The following POMT1 variants were observed in gnomAD, a reference collection of about 807,000 sequenced individuals.
POMT1 encodes protein O-mannosyltransferase 1, also known as protein O-mannosyl-transferase 1.
POMT1 carries 85 observed loss-of-function variants against 101.6 expected under a neutral mutation model. The ratio of observed to expected loss-of-function variants is 0.84; its 90% CI spans 0.70 to 1.00. The LOEUF (loss-of-function observed/expected upper bound fraction) is 1.00. POMT1 is among the 50% of genes least tolerant of loss of function. The pLI is 0.00. For synonymous variants in POMT1, 371 were observed against 383.0 expected, an observed-to-expected ratio of 0.97 and a Z score of 0.37; for missense variants, 857 against 930.4, an observed-to-expected ratio of 0.92 and a Z score of 1.03.
At chr9:131,505,401 T>C (rs1374758948) in intron 2 of POMT1, among the ~76,000 whole-genome samples, 1 of 151,174 alleles carries the variant, frequency 6.6e-6, no homozygotes, top group Non-Finnish European at 1.5e-5. Flanking sequence ...TACCTGGGAT[T>C]ACAGGCACCT....
intron 16 of POMT1, 40 bp from the exon 17 acceptor site, chr9:131,520,040 T>TC: frequency 6.5e-7 from 1 of 1,528,766 alleles, no homozygotes; most frequent in Non-Finnish European, 9.1e-7. Context: ...GCGGGAGGCA[T>TC]CCCCCATCCT....
chr9:131,519,987 T>C lies in POMT1; in HGVS notation c.1585-93T>C, dbSNP rs1476033831. 14 of 940,254 alleles carry C rather than the reference T, an allele frequency of 1.5e-5. No individual in the cohort carries two copies. The highest frequency in any genetic ancestry group is 2.4e-4 in the Middle Eastern group (1 of 4,252). 58.2% of individuals were successfully genotyped at this position (940,254 alleles called of 1,614,324 possible). On this transcript the variant is annotated intron_variant, in intron 16 of 19. Transcript: ENST00000402686. This position sits in a 1 kb window ranked among gnomAD's most constrained non-coding sequence, Gnocchi z 4.3. ...TGAACTTGAGCTGGGCCAGTCCACG[T>C]GCAAGGGGCAGCAGTGTACTCCTTT...
At position 131,519,491 on chromosome 9, in the gene POMT1, G is replaced by A; in HGVS notation, c.1584+5G>A. The A allele has an allele frequency of 1.3e-6, 2 of 1,549,410 alleles. No individual in the cohort carries two copies. Among genetic ancestry groups the A allele is most frequent in the Non-Finnish European group, 1.7e-6 (2 of 1,146,960 alleles). ...GCGAGATTCTCGGAGCTGCAGGTGA[G>A]GAGCGGCCAGGGGAAGCTGGCCTAG... On this transcript the variant is annotated splice_donor_5th_base_variant and intron_variant, in intron 16 of 19. Transcript: ENST00000402686. The surrounding 1 kb of genome is among the most constrained non-coding windows in gnomAD (Gnocchi z 4.3).
rs1950368982 is a variant in POMT1 at position 131,523,536 on chromosome 9, C to T, written c.*430C>T. 1 of 278,788 alleles carries T rather than the reference C, an allele frequency of 3.6e-6. No individual in the cohort carries two copies. The highest frequency in any genetic ancestry group is 7.0e-6 in the Non-Finnish European group (1 of 142,168). The allele number at this position is 278,788 out of a possible 1,614,324, so 17.3% of individuals were successfully genotyped here. On this transcript the variant is annotated 3_prime_UTR_variant, in exon 20 of 20. Transcript: ENST00000402686. The stretch of plus-strand genomic sequence containing the variant: ...AACCTGAGCAAGTCCCGGCCCTGCC[C>T]TCAGCGAGCCCGGCAGGCGTCCTGG...
In POMT1 at chr9:131,503,621, G is replaced by A. The variant is rs1366020469; in HGVS notation, c.-31+548G>A. ...AGAGAAGCGGAGCTCAAGGGAAGAT[G>A]AAGCCTGGAGGAGAACGTGGGGGCG... On this transcript the variant is annotated intron_variant, in intron 1 of 19. Coordinates refer to ENST00000402686, the MANE Select transcript of POMT1 (RefSeq NM_001077365.2). This position sits in a 1 kb window ranked among gnomAD's most constrained non-coding sequence, Gnocchi z 4.4. 6.6e-6 allele frequency among the ~76,000 whole-genome samples: 1 copy of A among 152,210 alleles called. No homozygotes were observed. The highest frequency in any genetic ancestry group is 1.5e-5 in the Non-Finnish European group (1 of 68,034).
At position 131,513,242 on chromosome 9, in the gene POMT1, C is replaced by G; in HGVS notation, c.1086C>G (p.His362Gln). 1 of 1,613,042 alleles carries G rather than the reference C, an allele frequency of 6.2e-7. No individual in the cohort carries two copies. ...NWWIVKDPRRHQLVVSSPPRP... is the reference protein window; with the variant it reads ...NWWIVKDPRRQQLVVSSPPRP... ...CCGACAGCACTGTGTCTTCCAGGCA[C>G]CAGCTGGTGGTGAGCAGCCCTCCGA... Residue 362 changes from histidine to glutamine, a missense_variant, in exon 12 of 20, where the codon CAC becomes CAG. His to Gln is a conservative substitution (Grantham distance 24). Transcript: ENST00000402686.
chr9:131,519,653 G>C lies in POMT1; in HGVS notation c.1584+167G>C, dbSNP rs1461492088. ...CTCTCCAGTGTAAGGGACTGTGTGT[G>C]ACACCCCTGGCCCACACCTTGTGGC... On this transcript the variant is annotated intron_variant, in intron 16 of 19. Coordinates refer to ENST00000402686, the MANE Select transcript of POMT1 (RefSeq NM_001077365.2). The surrounding 1 kb of genome is among the most constrained non-coding windows in gnomAD (Gnocchi z 4.3). Among the ~76,000 whole-genome samples the C allele has an allele frequency of 1.3e-5, 2 of 152,200 alleles. No homozygotes were observed. The highest frequency in any genetic ancestry group is 3.8e-4 in the East Asian group (2 of 5,198).
intron 2 of POMT1, among the ~76,000 whole-genome samples, chr9:131,504,716 T>C (rs1412595456): frequency 6.6e-6 from 1 of 151,612 alleles, no homozygotes; most frequent in Non-Finnish European, 1.5e-5. Flanking sequence ...TGATTGCTGT[T>C]ATTATTGAAG....
intron 17 of POMT1, among the ~76,000 whole-genome samples, chr9:131,520,707 G>A (rs1949745170): frequency 1.3e-5 from 2 of 152,218 alleles, no homozygotes; most frequent in South Asian, 2.1e-4. Context: ...CCCAGAGGCC[G>A]CCCCACCCCG....
Position 131,523,297 on chromosome 9 carries a change from A to AATT in POMT1, c.*192_*194dup. 1 of 670,916 alleles carries AATT rather than the reference A, an allele frequency of 1.5e-6. No individual in the cohort carries two copies. Among genetic ancestry groups the AATT allele is most frequent in the Non-Finnish European group, 2.5e-6 (1 of 393,128 alleles). The allele number at this position is 670,916 out of a possible 1,614,324, so 41.6% of individuals were successfully genotyped here. On this transcript the variant is annotated 3_prime_UTR_variant, in exon 20 of 20. Coordinates refer to ENST00000402686, the MANE Select transcript of POMT1 (RefSeq NM_001077365.2). ...TGAGCACCTCCTTTTGTGCAAAGTT[A>AATT]ATTTTTTCTCGACAATAAAGATATT...
chr9:131,521,926 C>T, intron 18 of POMT1, 121 bp from the exon 19 acceptor site: 1 of 1,556,542 alleles, frequency 6.4e-7, no homozygotes, highest in Non-Finnish European at 8.7e-7. Context: ...CACCTGAGGC[C>T]AGGAGTTCAA....
At chr9:131,508,585 G>C (rs1946385183) in intron 5 of POMT1, among the ~76,000 whole-genome samples, 2 of 152,116 alleles carry the variant, frequency 1.3e-5, no homozygotes. Flanking sequence ...TATAGTCCCA[G>C]CTACTCAGGA....
rs1949373376 is a variant in POMT1, at chr9:131,519,107, C to T, written c.1486+150C>T. Reference sequence around the variant, plus strand: ...AGGTCATCTCCCTCCCTGCACCCTGCACTCAGCTGCTGCAGTAATAACTCA... The same window carrying T: ...AGGTCATCTCCCTCCCTGCACCCTGTACTCAGCTGCTGCAGTAATAACTCA... On this transcript the variant is annotated intron_variant, in intron 15 of 19. Coordinates refer to ENST00000402686, the MANE Select transcript of POMT1 (RefSeq NM_001077365.2). The surrounding 1 kb of genome is among the most constrained non-coding windows in gnomAD (Gnocchi z 4.3). 16 of 1,282,228 alleles carry T rather than the reference C, an allele frequency of 1.2e-5. No homozygotes were observed. Among genetic ancestry groups the T allele is most frequent in the Non-Finnish European group, 1.6e-5 (15 of 917,506 alleles). 79.4% of individuals were successfully genotyped at this position (1,282,228 alleles called of 1,614,324 possible). A position where few individuals can be genotyped will look rare whatever the true frequency, so the allele number is the denominator to read the frequency against.
chr9:131,508,680 CAG>C (rs974754879), intron 5 of POMT1, among the ~76,000 whole-genome samples: 1 of 152,326 alleles, frequency 6.6e-6, no homozygotes, highest in African/African-American at 2.4e-5. Flanking sequence ...GCCTGGGCGA[CAG>C]AGCAAGACCC....
At chr9:131,515,713 TCACA>T (rs1358083533) in intron 13 of POMT1, among the ~76,000 whole-genome samples, 191 bp downstream of exon 13, 1 of 144,574 alleles carries the variant, frequency 6.9e-6, no homozygotes, top group African/African-American at 2.5e-5. Context: ...GAACACTTCC[TCACA>T]CGGAGCACTT....
chr9:131,519,244 G>T lies in POMT1; in HGVS notation c.1487-145G>T. 1.0e-6 allele frequency: 1 copy of T among 952,630 alleles called. No individual in the cohort carries two copies. The highest frequency in any genetic ancestry group is 1.6e-6 in the Non-Finnish European group (1 of 615,182). The allele number at this position is 952,630 out of a possible 1,614,324, so 59.0% of individuals were successfully genotyped here. A position where few individuals can be genotyped will look rare whatever the true frequency, so the allele number is the denominator to read the frequency against. On this transcript the variant is annotated intron_variant, in intron 15 of 19. Coordinates refer to ENST00000402686, the MANE Select transcript of POMT1 (RefSeq NM_001077365.2). The surrounding 1 kb of genome is among the most constrained non-coding windows in gnomAD (Gnocchi z 4.3). ...GACCGGGCAGTCTTGGGTGTGGTGGGGAAAGCTAAGTGGAATGATGCGGTT... is the reference window on the plus strand; with the variant it reads ...GACCGGGCAGTCTTGGGTGTGGTGGTGAAAGCTAAGTGGAATGATGCGGTT...
In POMT1 at chr9:131,511,394, G is replaced by A. The variant is rs4740164; in HGVS notation, c.913G>A (p.Val305Ile). The change falls in exon 10 of 20, where the codon GTC becomes ATC. Residue 305 changes from valine (V) to isoleucine (I), a missense_variant. Transcript: ENST00000402686. Reference protein sequence around the residue: ...QPLEVAFGSQVTLRNVFGKPV... With the variant: ...QPLEVAFGSQITLRNVFGKPV... ...ACTGGAGGTGGCCTTTGGGTCCCAG[G>A]TCACTCTGAGGAACGTCTTTGGGAA... 0.047 allele frequency: 75,315 copies of A among 1,614,046 alleles called. 2,249 individuals carry two copies. The highest frequency in any genetic ancestry group is 0.13 in the Admixed American group (7,984 of 60,028).
rs10793881 is a variant in POMT1, at chr9:131,511,651, G to A, written c.986+184G>A. The A allele has an allele frequency of 0.93, 708,441 of 762,116 alleles. 330,934 individuals carry two copies. The highest frequency in any genetic ancestry group is 0.97 in the South Asian group (57,294 of 59,040). The allele number at this position is 762,116 out of a possible 1,614,324, so 47.2% of individuals were successfully genotyped here. ...GGGTGTTGCTGGAGGGACTTGGCGT[G>A]TGGCAGGGCCCAGGGTCGGCCCCAG... On this transcript the variant is annotated intron_variant, in intron 10 of 19. Coordinates refer to ENST00000402686, the MANE Select transcript of POMT1 (RefSeq NM_001077365.2).
chr9:131,509,621 C>G (rs1946648214), intron 6 of POMT1, 122 bp from the exon 7 acceptor site: 7 of 1,581,472 alleles, frequency 4.4e-6, no homozygotes, highest in Non-Finnish European at 6.0e-6. Context: ...TTCTTACTGC[C>G]CCTGTGGCTC....
Sources: allele counts gnomAD v4.1 joint callset (sites outside exome capture counted in the v4.1 genomes callset), GRCh38; gene constraint gnomAD v4.1.1; non-coding constraint Gnocchi (gnomAD v3.1); transcripts MANE v1.5; gene names NCBI Gene and HGNC (gene_info 2026-07-23, HGNC 2026-07-21).